Variants in WNT5A observed in about 807,000 individuals in gnomAD.
WNT5A encodes protein Wnt-5a.
A neutral mutation model predicts 42.1 loss-of-function variants in WNT5A; 9 were observed. The observed-to-expected ratio is 0.21, with a 90% CI of 0.13 to 0.37. The LOEUF is 0.37. Among genes scored for constraint, WNT5A ranks in the 10% least tolerant of loss-of-function variants. WNT5A has a pLI of 1.00. For synonymous variants in WNT5A, 210 were observed against 210.0 expected (o/e 1.00, Z 0.00); for missense variants, 426 against 534.0 (o/e 0.80, Z 1.99).
the WNT5A span, among the ~76,000 whole-genome samples, chr3:55,504,035 G>A: frequency 6.6e-6 from 1 of 152,142 alleles, no homozygotes; most frequent in African/African-American, 2.4e-5. Flanking sequence ...ACTTTGGGAG[G>A]CCAAGACAGG....
At chr3:55,500,437 A>C in the WNT5A span, among the ~76,000 whole-genome samples, 1 of 152,206 alleles carries the variant, frequency 6.6e-6, no homozygotes, top group Non-Finnish European at 1.5e-5. Context: ...AAGAACTAGC[A>C]CTCATTATAT....
rs2106889407 is a variant in WNT5A, at chr3:55,470,414, G to A, written c.821C>T (p.Ala274Val). The change falls in exon 5 of 5, where the codon GCG becomes GTG. Residue 274 changes from alanine (A) to valine (V), a missense_variant. Physicochemically the swap from Ala to Val is moderately conservative, Grantham distance 64. This residue lies in a region of WNT5A where 358 missense variants were observed against 468.1 expected (regional missense o/e 0.76). Coordinates refer to ENST00000264634, the MANE Select transcript of WNT5A (RefSeq NM_003392.7). ...GCCCCGGCTGTTGAGCCGCATGGCCGCCGCGCTGTCGTACTTCTCCTTCAG... is the reference window on the plus strand; with the variant it reads ...GCCCCGGCTGTTGAGCCGCATGGCCACCGCGCTGTCGTACTTCTCCTTCAG... ...DALKEKYDSAAAMRLNSRGKL... is the reference protein window; with the variant it reads ...DALKEKYDSAVAMRLNSRGKL... 2.5e-6 allele frequency: 4 copies of A among 1,613,120 alleles called. No homozygotes were observed. The highest frequency in any genetic ancestry group is 3.4e-6 in the Non-Finnish European group (4 of 1,179,496).
In WNT5A at chr3:55,468,249, AC is replaced by A. The variant is rs1413190836; in HGVS notation, c.*1842del. 6.6e-6 allele frequency: 1 copy of A among 152,152 alleles called. No individual in the cohort carries two copies. The highest frequency in any genetic ancestry group is 1.5e-5 in the Non-Finnish European group (1 of 68,044). The allele number at this position is 152,152 out of a possible 1,614,324, so 9.4% of individuals were successfully genotyped here. ...CATGGGTTTCCATTCTGCAGAATGA[AC>A]TAAGAAAAGAGAAACATTGCTGATG... On this transcript the variant is annotated 3_prime_UTR_variant, in exon 5 of 5. Transcript: ENST00000264634.
chr3:55,496,531 T>C, the WNT5A span, among the ~76,000 whole-genome samples: 1 of 152,230 alleles, frequency 6.6e-6, no homozygotes, highest in Non-Finnish European at 1.5e-5. Flanking sequence ...GGTACATGTA[T>C]CTACTGAGTA....
rs1422922265 is a variant in WNT5A at position 55,468,715 on chromosome 3, C to A, written c.*1377G>T. 6.6e-6 allele frequency: 1 copy of A among 151,962 alleles called. No individual in the cohort carries two copies. The highest frequency in any genetic ancestry group is 2.4e-5 in the African/African-American group (1 of 41,260). 9.4% of individuals were successfully genotyped at this position (151,962 alleles called of 1,614,324 possible). A position where few individuals can be genotyped will look rare whatever the true frequency, so the allele number is the denominator to read the frequency against. ...ATCAGGCACCATTAAACCACATTTC[C>A]CCCCTTATAAATGCAACTGTTCAAG... On this transcript the variant is annotated 3_prime_UTR_variant, in exon 5 of 5. Transcript: ENST00000264634.
Position 55,467,364 on chromosome 3 carries a change from C to CTTTTTT in WNT5A, c.*2722_*2727dup, listed in dbSNP as rs34280613. On this transcript the variant is annotated 3_prime_UTR_variant, in exon 5 of 5. Transcript: ENST00000264634. The stretch of plus-strand genomic sequence containing the variant: ...CAGCTTTAAGCCATCTGCTTGATTT[C>CTTTTTT]TTTTTTTTTTTTTTTTGTAAGGAAC... The CTTTTTT allele has an allele frequency of 7.4e-6, 1 of 134,488 alleles. No individual in the cohort carries two copies. Among genetic ancestry groups the CTTTTTT allele is most frequent in the Non-Finnish European group, 1.6e-5 (1 of 62,048 alleles). The allele number at this position is 134,488 out of a possible 1,614,324, so 8.3% of individuals were successfully genotyped here.
At chr3:55,495,101 G>A (rs1459777725), upstream of WNT5A, among the ~76,000 whole-genome samples, 1 of 152,114 alleles carries the variant, frequency 6.6e-6, no homozygotes, top group African/African-American at 2.4e-5. Context: ...ACAAAACAAT[G>A]TTTTGAAACA....
Position 55,470,046 on chromosome 3 carries a change from A to G in WNT5A, c.*46T>C. The G allele has an allele frequency of 6.2e-7, 1 of 1,610,498 alleles. No individual in the cohort carries two copies. Among genetic ancestry groups the G allele is most frequent in the Non-Finnish European group, 8.5e-7 (1 of 1,177,024 alleles). On this transcript the variant is annotated 3_prime_UTR_variant, in exon 5 of 5. Transcript: ENST00000264634. ...AAACCAGAATCACTGTACTTTCTAT[A>G]AATAAGCGGGTCCTGGGAGCGGGGC...
intron 4 of WNT5A, among the ~76,000 whole-genome samples, chr3:55,472,266 A>G (rs545531582): frequency 2.6e-4 from 40 of 152,314 alleles, no homozygotes; most frequent in Non-Finnish European, 4.7e-4. Context: ...CTCTCTTGCC[A>G]CTTGGAAATC....
In WNT5A at chr3:55,487,000, G is replaced by T. The variant is rs769601282; in HGVS notation, c.-15C>A. On this transcript the variant is annotated 5_prime_UTR_variant, in exon 1 of 5. Coordinates refer to ENST00000264634, the MANE Select transcript of WNT5A (RefSeq NM_003392.7). ...CCTACCTTCATGGCGAGGGGGAGGGGGCGCGGGGAGGAAGTCGCCACCCGA... is the reference window on the plus strand; with the variant it reads ...CCTACCTTCATGGCGAGGGGGAGGGTGCGCGGGGAGGAAGTCGCCACCCGA... The T allele has an allele frequency of 1.3e-5, 21 of 1,611,412 alleles. No individual in the cohort carries two copies. Among genetic ancestry groups the T allele is most frequent in the Middle Eastern group, 1.7e-4 (1 of 6,038 alleles).
chr3:55,501,516 G>T, the WNT5A span: 2 of 152,198 alleles, frequency 1.3e-5, no homozygotes, highest in Admixed American at 1.3e-4. Context: ...GGAGCATCTT[G>T]AAATTTCTCT....
Position 55,470,907 on chromosome 3 carries a change from G to A in WNT5A, c.685-357C>T, listed in dbSNP as rs139410580. Among the ~76,000 whole-genome samples the A allele has an allele frequency of 6.5e-3, 992 of 152,146 alleles. 5 individuals are homozygous for A. The highest frequency in any genetic ancestry group is 0.011 in the Non-Finnish European group (723 of 68,010). On this transcript the variant is annotated intron_variant, in intron 4 of 4. Transcript: ENST00000264634. ...AATGCATTACCTGAATTAATCCCCC[G>A]TACCAGCTAGGTGAGAAGTGCTAGT...
chr3:55,504,653 G>A, the WNT5A span, among the ~76,000 whole-genome samples: 8 of 152,180 alleles, frequency 5.3e-5, no homozygotes, highest in Admixed American at 3.3e-4. Context: ...TAGTAGAGAC[G>A]GGGTTTCTCC....
intron 1 of WNT5A, 99 bp from the exon 2 acceptor site, chr3:55,481,017 C>G: frequency 8.1e-7 from 1 of 1,227,650 alleles, no homozygotes; most frequent in South Asian, 3.2e-5. Context: ...CTTAAGTTTA[C>G]TGTTGATTGA....
intron 3 of WNT5A, chr3:55,478,934 G>A (rs2051405123): frequency 6.3e-6 from 1 of 157,506 alleles, no homozygotes; most frequent in Non-Finnish European, 1.4e-5. Context: ...TTTCAATTGT[G>A]GCTTAAAAAA....
rs1350289339 is a variant in WNT5A at position 55,487,056 on chromosome 3, G to T, written c.-71C>A. ...CGCAGCCGAGGAATCCGAGCGGAGC[G>T]ACCGGGTTAAGCCTGGGGGGACGGT... On this transcript the variant is annotated 5_prime_UTR_variant, in exon 1 of 5. Transcript: ENST00000264634. 1.3e-6 allele frequency: 2 copies of T among 1,513,950 alleles called. No homozygotes were observed. The highest frequency in any genetic ancestry group is 2.3e-5 in the East Asian group (1 of 44,158). 93.8% of individuals were successfully genotyped at this position (1,513,950 alleles called of 1,614,324 possible).
the WNT5A span, among the ~76,000 whole-genome samples, chr3:55,502,761 G>A: frequency 6.6e-6 from 1 of 152,206 alleles, no homozygotes; most frequent in South Asian, 2.1e-4. Context: ...ACGGATTTTG[G>A]ACATAGGCAA....
the WNT5A span, among the ~76,000 whole-genome samples, chr3:55,502,130 T>C: frequency 1.3e-5 from 2 of 152,234 alleles, no homozygotes; most frequent in African/African-American, 4.8e-5. Context: ...AATCAGACTC[T>C]TGGAGAAATT....
chr3:55,479,984 C>T (rs762970440), intron 2 of WNT5A, among the ~76,000 whole-genome samples: 43 of 152,028 alleles, frequency 2.8e-4, no homozygotes, highest in Non-Finnish European at 5.0e-4. Context: ...CAATTAGATA[C>T]GGGTAGGAGA....
Sources: allele counts gnomAD v4.1 joint callset (sites outside exome capture counted in the v4.1 genomes callset), GRCh38; gene constraint gnomAD v4.1.1; regional missense constraint gnomAD v4.1.1; transcripts MANE v1.5; gene names NCBI Gene and HGNC (gene_info 2026-07-23, HGNC 2026-07-21).